Variants in RBM20 observed in about 807,000 individuals in gnomAD.
The protein encoded by RBM20 is RNA-binding protein 20.
In RBM20, 51 loss-of-function variants were observed where a neutral mutation model predicts 110.1. That is an observed-to-expected ratio of 0.46 (90% CI 0.37 to 0.59). The LOEUF (loss-of-function observed/expected upper bound fraction) is 0.59, where lower values mean the gene tolerates loss of function less well. Ranked by LOEUF, RBM20 falls within the 20% of genes least tolerant of loss-of-function variation. The pLI is 0.00. For missense variants in RBM20, 1,512 were observed against 1,574.9 expected (o/e 0.96, Z 0.68); for synonymous variants, 589 against 618.2 (o/e 0.95, Z 0.70).
chr10:110,798,051 A>C (rs1393859404), intron 6 of RBM20, among the ~76,000 whole-genome samples: 1 of 152,200 alleles, frequency 6.6e-6, no homozygotes, highest in Non-Finnish European at 1.5e-5. Flanking sequence ...GCCAGCCAAG[A>C]ACTTGGGACT....
Position 110,644,594 on chromosome 10 carries a change from C to A in RBM20, c.140C>A (p.Pro47Gln), listed in dbSNP as rs2134793084. The A allele has an allele frequency of 6.6e-7, 1 of 1,525,168 alleles. No individual in the cohort carries two copies. The highest frequency in any genetic ancestry group is 2.6e-5 in the East Asian group (1 of 39,012). 94.5% of individuals were successfully genotyped at this position (1,525,168 alleles called of 1,614,324 possible). ...GPRGMQQPPP[P>Q]PQPPPPPQAG... is the part of the protein sequence containing the mutation. Reference sequence around the variant, plus strand: ...CGAGGGATGCAGCAGCCGCCGCCGCCGCCCCAGCCACCGCCCCCGCCCCAA... The same window carrying A: ...CGAGGGATGCAGCAGCCGCCGCCGCAGCCCCAGCCACCGCCCCCGCCCCAA... The change falls in exon 1 of 14, where the codon CCG (proline) becomes CAG (glutamine). Residue 47 changes from proline to glutamine, a missense_variant. Transcript: ENST00000369519. The surrounding 1 kb of genome is among the most constrained non-coding windows in gnomAD (Gnocchi z 4.3).
intron 1 of RBM20, among the ~76,000 whole-genome samples, chr10:110,745,638 A>G (rs1169445824): frequency 1.3e-5 from 2 of 152,172 alleles, no homozygotes; most frequent in African/African-American, 4.8e-5. Context: ...ATCTTCTCCA[A>G]TAGCCATGAG....
chr10:110,707,714 A>G (rs1193378606), intron 1 of RBM20, among the ~76,000 whole-genome samples: 1 of 152,218 alleles, frequency 6.6e-6, no homozygotes, highest in Non-Finnish European at 1.5e-5. Flanking sequence ...AATTAAAACA[A>G]CTGAACTCAT....
At chr10:110,652,899 T>C (rs1861972120) in intron 1 of RBM20, among the ~76,000 whole-genome samples, 2 of 152,302 alleles carry the variant, frequency 1.3e-5, no homozygotes, top group South Asian at 4.1e-4. Flanking sequence ...TTATCTCCTC[T>C]CACCCCATCC....
chr10:110,657,319 CTT>C, intron 1 of RBM20, among the ~76,000 whole-genome samples: 1 of 141,130 alleles, frequency 7.1e-6, no homozygotes, highest in Admixed American at 7.1e-5. Context: ...CCGGCCTGTT[CTT>C]TTTTTTTTTT....
chr10:110,665,958 AC>A (rs1256595471), intron 1 of RBM20, among the ~76,000 whole-genome samples: 3 of 150,370 alleles, frequency 2.0e-5, no homozygotes, highest in Non-Finnish European at 4.4e-5. Context: ...TACAAATAAT[AC>A]AAAAAATTAG....
intron 1 of RBM20, among the ~76,000 whole-genome samples, chr10:110,658,728 A>G (rs905105511): frequency 2.6e-5 from 4 of 152,014 alleles, no homozygotes; most frequent in African/African-American, 9.7e-5. Context: ...GTTAAGGTTC[A>G]GACTGCATGG....
chr10:110,770,861 C>A (rs1766436276), intron 1 of RBM20, among the ~76,000 whole-genome samples: 1 of 152,022 alleles, frequency 6.6e-6, no homozygotes, highest in African/African-American at 2.4e-5. Context: ...GCCTCAGAGG[C>A]ACACACTGAA....
chr10:110,651,649 G>A (rs1173578330), intron 1 of RBM20, among the ~76,000 whole-genome samples: 1 of 152,144 alleles, frequency 6.6e-6, no homozygotes, highest in Admixed American at 6.5e-5. Flanking sequence ...ACCCACAAAC[G>A]TTTTACAGGA....
chr10:110,802,992 A>G (rs1200860673), intron 7 of RBM20, among the ~76,000 whole-genome samples: 1 of 152,138 alleles, frequency 6.6e-6, no homozygotes, highest in Admixed American at 6.5e-5. Flanking sequence ...ATTTTTTTTC[A>G]TACATTATCT....
chr10:110,672,792 T>C (rs991156644), intron 1 of RBM20, among the ~76,000 whole-genome samples: 1 of 152,224 alleles, frequency 6.6e-6, no homozygotes, highest in Non-Finnish European at 1.5e-5. Context: ...GACACATACT[T>C]AGTATAGAGC....
At chr10:110,685,334 G>C (rs1345920459) in intron 1 of RBM20, among the ~76,000 whole-genome samples, 1 of 152,160 alleles carries the variant, frequency 6.6e-6, no homozygotes, top group African/African-American at 2.4e-5. Flanking sequence ...CTGAGTGGTG[G>C]GTGATCTATT....
At chr10:110,737,288 G>C (rs1021409045) in intron 1 of RBM20, among the ~76,000 whole-genome samples, 4 of 151,512 alleles carry the variant, frequency 2.6e-5, no homozygotes, top group Non-Finnish European at 5.9e-5. Flanking sequence ...CTATGAGGAA[G>C]TGGTCCTCAC....
chr10:110,826,847 C>G (rs181033688), intron 12 of RBM20, among the ~76,000 whole-genome samples: 1 of 152,138 alleles, frequency 6.6e-6, no homozygotes, highest in Non-Finnish European at 1.5e-5. Context: ...CCTGCCTCAG[C>G]CTCCCAAAGT....
intron 1 of RBM20, among the ~76,000 whole-genome samples, chr10:110,725,470 A>G (rs942181524): frequency 4.6e-5 from 7 of 152,218 alleles, no homozygotes; most frequent in African/African-American, 1.2e-4. Context: ...AGTTACTTCT[A>G]TGTTAAAAAT....
intron 1 of RBM20, among the ~76,000 whole-genome samples, chr10:110,676,493 T>G (rs1364999798): frequency 6.6e-6 from 1 of 152,244 alleles, no homozygotes; most frequent in Non-Finnish European, 1.5e-5. Context: ...TAATTCTAAC[T>G]ATCGCTCTCA....
chr10:110,759,259 T>G (rs1269620340), intron 1 of RBM20, among the ~76,000 whole-genome samples: 1 of 152,180 alleles, frequency 6.6e-6, no homozygotes, highest in Non-Finnish European at 1.5e-5. Flanking sequence ...TCAAGGTGTC[T>G]CTTTGTATTC....
chr10:110,729,356 C>T (rs935200491), intron 1 of RBM20, among the ~76,000 whole-genome samples: 1 of 152,208 alleles, frequency 6.6e-6, no homozygotes, highest in Non-Finnish European at 1.5e-5. Context: ...CTCTTTTCTG[C>T]CCTTCCTGCC....
intron 1 of RBM20, among the ~76,000 whole-genome samples, chr10:110,658,234 C>T (rs1000916033): frequency 6.6e-6 from 1 of 152,126 alleles, no homozygotes. Flanking sequence ...AAAGGCCAGC[C>T]GAGTATTAGA....
Sources: allele counts gnomAD v4.1 joint callset (sites outside exome capture counted in the v4.1 genomes callset), GRCh38; gene constraint gnomAD v4.1.1; non-coding constraint Gnocchi (gnomAD v3.1); transcripts MANE v1.5; gene names NCBI Gene and HGNC (gene_info 2026-07-23, HGNC 2026-07-21).